Variants in NOL11 observed in about 807,000 individuals in gnomAD.
NOL11 encodes nucleolar protein 11.
NOL11 carries 42 observed loss-of-function variants against 93.0 expected under a neutral mutation model. The ratio of observed to expected loss-of-function variants is 0.45; its 90% confidence interval spans 0.35 to 0.58. The LOEUF is 0.58. Ranked by LOEUF, NOL11 falls within the 20% of genes least tolerant of loss-of-function variation. The pLI is 0.00. For synonymous variants in NOL11, 296 were observed against 293.7 expected, an observed-to-expected ratio of 1.01 and a Z score of -0.08; for missense variants, 775 against 841.8, an observed-to-expected ratio of 0.92 and a Z score of 0.98.
At chr17:67,724,954 A>T (rs542297401) in intron 6 of NOL11, among the ~76,000 whole-genome samples, 2 of 152,226 alleles carry the variant, frequency 1.3e-5, no homozygotes, top group African/African-American at 4.8e-5. Context: ...GCTACTCTGG[A>T]GGCTGAGGCA....
At chr17:67,729,235 C>T (rs2055128579) in intron 7 of NOL11, among the ~76,000 whole-genome samples, 1 of 152,076 alleles carries the variant, frequency 6.6e-6, no homozygotes. Flanking sequence ...ACTGGGATTA[C>T]AGGCATGTGC....
At chr17:67,719,044 T>A (rs186438720) in intron 1 of NOL11, 1 of 152,328 alleles carries the variant, frequency 6.6e-6, no homozygotes, top group Admixed American at 6.5e-5. Context: ...ATTGTTTTTT[T>A]AACAAAGGGT....
rs372828201 is a variant in NOL11, at chr17:67,721,414, G to A, written c.349G>A (p.Gly117Arg). 3.7e-6 allele frequency: 6 copies of A among 1,610,190 alleles called. No individual in the cohort carries two copies. In the African/African-American group the frequency reaches 8.0e-5, roughly 22 times the overall value. The change falls in exon 4 of 18, where the codon GGG becomes AGG. Residue 117 changes from glycine to arginine, a missense_variant. By Grantham distance (125) the Gly-to-Arg change is moderately radical. This residue lies in a region of NOL11 where 359 missense variants were observed against 316.5 expected (regional missense o/e 1.13). Coordinates refer to ENST00000253247, the MANE Select transcript of NOL11 (RefSeq NM_015462.5). ...AGTATATAGGATACTTTCAGTGCAA[G>A]GGACAGAACCCTTGGTGCTCTTCAA... ...AEVYRILSVQ[G>R]TEPLVLFKEG...
Position 67,743,312 on chromosome 17 carries a change from G to A in NOL11, c.1936-167G>A, listed in dbSNP as rs1473449. On this transcript the variant is annotated intron_variant, in intron 16 of 17. Coordinates refer to ENST00000253247, the MANE Select transcript of NOL11 (RefSeq NM_015462.5). ...AATAAATTTTTTAAAAGCCAGAAAT[G>A]AGCCTTTTTATATTTCGTAGAAATT... 0.025 allele frequency: 10,892 copies of A among 437,730 alleles called. 1,291 individuals are homozygous for A. In the East Asian group the frequency reaches 0.3, roughly 12 times the overall value. 27.1% of individuals were successfully genotyped at this position (437,730 alleles called of 1,614,324 possible).
At chr17:67,725,536 T>C (rs2143094618) in intron 6 of NOL11, among the ~76,000 whole-genome samples, 1 of 152,306 alleles carries the variant, frequency 6.6e-6, no homozygotes, top group East Asian at 1.9e-4. Flanking sequence ...TTAAAAATCT[T>C]TGTGAAGTTT....
intron 11 of NOL11, 79 bp downstream of exon 11, chr17:67,737,224 AT>A: frequency 1.1e-6 from 1 of 872,112 alleles, no homozygotes; most frequent in Non-Finnish European, 1.9e-6. Flanking sequence ...GTTCTGTCTT[AT>A]TTTTATGATC....
chr17:67,738,979 AT>A lies in NOL11; in HGVS notation c.1814del (p.Leu605Ter), dbSNP rs758342519. On this transcript the variant is annotated frameshift_variant, in exon 15 of 18. Transcript: ENST00000253247. LOFTEE classifies it high-confidence loss of function. The stretch of plus-strand genomic sequence containing the variant: ...TATAGCGAGACATTTCTTCTGCCTC[AT>A]TTGAAAGACATCCCAGCACAGCATA... ...SAYSETFLLP[H>X]LKDIPAQHIT... 1.9e-6 allele frequency: 3 copies of A among 1,612,922 alleles called. No homozygotes were observed. The highest frequency in any genetic ancestry group is 1.7e-6 in the Non-Finnish European group (2 of 1,179,106).
intron 3 of NOL11, chr17:67,720,300 CTTTT>C (rs766269065): frequency 4.5e-5 from 6 of 132,460 alleles, no homozygotes; most frequent in Non-Finnish European, 8.1e-5. Flanking sequence ...GTGTATTGTA[CTTTT>C]TTTTTTTTTT....
chr17:67,737,837 T>G lies in NOL11; in HGVS notation c.1404-10T>G, dbSNP rs752406728. 1.9e-6 allele frequency: 3 copies of G among 1,603,172 alleles called. No individual in the cohort carries two copies. The highest frequency in any genetic ancestry group is 2.5e-6 in the Non-Finnish European group (3 of 1,177,232). ...AATATGTAATAGTGATTCAGATTTT[T>G]TTGTCTTAGTTTGTGCCCCGACTTA... On this transcript the variant is annotated splice_polypyrimidine_tract_variant and intron_variant, in intron 12 of 17. Coordinates refer to ENST00000253247, the MANE Select transcript of NOL11 (RefSeq NM_015462.5).
intron 1 of NOL11, 134 bp downstream of exon 1, chr17:67,718,222 TG>T: frequency 1.6e-6 from 2 of 1,228,566 alleles, no homozygotes; most frequent in Non-Finnish European, 2.3e-6. Context: ...CTGGGCCTGT[TG>T]GGGACGCTGA....
rs1289522663 is a variant in NOL11, at chr17:67,743,467, A to G, written c.1936-12A>G. 8.4e-6 allele frequency: 10 copies of G among 1,195,646 alleles called. No homozygotes were observed. Among genetic ancestry groups the G allele is most frequent in the East Asian group, 2.4e-5 (1 of 42,198 alleles). 74.1% of individuals were successfully genotyped at this position (1,195,646 alleles called of 1,614,324 possible). A position where few individuals can be genotyped will look rare whatever the true frequency, so the allele number is the denominator to read the frequency against. On this transcript the variant is annotated splice_polypyrimidine_tract_variant and intron_variant, in intron 16 of 17. Coordinates refer to ENST00000253247, the MANE Select transcript of NOL11 (RefSeq NM_015462.5). ...TTTAAAATCTTAACTTCCTTTTCCTATTCATCTTCAGATTATGGATTGGAT... is the reference window on the plus strand; with the variant it reads ...TTTAAAATCTTAACTTCCTTTTCCTGTTCATCTTCAGATTATGGATTGGAT...
At position 67,719,898 on chromosome 17, in the gene NOL11, G is replaced by T; in HGVS notation, c.256-8G>T. 6.4e-7 allele frequency: 1 copy of T among 1,563,076 alleles called. No homozygotes were observed. The highest frequency in any genetic ancestry group is 1.2e-5 in the South Asian group (1 of 85,342). On this transcript the variant is annotated splice_region_variant and splice_polypyrimidine_tract_variant and intron_variant, in intron 2 of 17. Transcript: ENST00000253247. ...GGATAGTTTTTAACTAGTATGTTTT[G>T]ATTTAAGGTTTTAAGAATATGGAAT...
At chr17:67,740,113 T>C (rs2055241118) in intron 16 of NOL11, among the ~76,000 whole-genome samples, 1 of 151,754 alleles carries the variant, frequency 6.6e-6, no homozygotes, top group Non-Finnish European at 1.5e-5. Flanking sequence ...TGCGTGCCTG[T>C]AATCCCAGAT....
intron 4 of NOL11, among the ~76,000 whole-genome samples, chr17:67,722,322 A>G (rs947617978): frequency 1.3e-5 from 2 of 152,216 alleles, no homozygotes; most frequent in African/African-American, 4.8e-5. Flanking sequence ...TTTGGGAAGC[A>G]CTGCATCTCC....
chr17:67,726,528 T>G lies in NOL11; in HGVS notation c.733T>G (p.Leu245Val). Residue 245 changes from leucine to valine, a missense_variant, in exon 7 of 18, where the codon TTA becomes GTA. Leu to Val is a conservative substitution (Grantham distance 32). Around this residue, in one of 2 missense-constraint regions of NOL11, gnomAD observed 359 missense variants for 316.5 expected, o/e 1.13. Coordinates refer to ENST00000253247, the MANE Select transcript of NOL11 (RefSeq NM_015462.5). The stretch of plus-strand genomic sequence containing the variant: ...AGCTGACCCAGAAAAAAATCAGAGC[T>G]TAGTTAAATCACTGCTGCTCAAGGC... ...RPADPEKNQS[L>V]VKSLLLKAVV... 1 of 1,614,136 alleles carries G rather than the reference T, an allele frequency of 6.2e-7. No individual in the cohort carries two copies. Among genetic ancestry groups the G allele is most frequent in the Non-Finnish European group, 8.5e-7 (1 of 1,180,006 alleles).
At chr17:67,735,299 TAA>T (rs2055190871) in intron 8 of NOL11, among the ~76,000 whole-genome samples, 1 of 152,130 alleles carries the variant, frequency 6.6e-6, no homozygotes, top group Non-Finnish European at 1.5e-5. Flanking sequence ...AATTTGAGGA[TAA>T]AGAGACAAGG....
chr17:67,738,832 T>C (rs1307526583), intron 14 of NOL11, 100 bp from the exon 15 acceptor site: 14 of 732,308 alleles, frequency 1.9e-5, no homozygotes, highest in Non-Finnish European at 3.3e-5. Context: ...TGTAAAACTT[T>C]TGTATAAATT....
rs76680302 is a variant in NOL11, at chr17:67,719,325, A to G, written c.142-349A>G. On this transcript the variant is annotated intron_variant, in intron 1 of 17. Coordinates refer to ENST00000253247, the MANE Select transcript of NOL11 (RefSeq NM_015462.5). ...GAGGTGGGTGGAGCGCAGTGGCACG[A>G]TCTCGGCCCACTGCAACCTCCACCT... 0.017 allele frequency: 2,899 copies of G among 173,036 alleles called. 230 individuals carry two copies. The East Asian group carries it at 0.27, about 16-fold the overall frequency. The allele number at this position is 173,036 out of a possible 1,614,324, so 10.7% of individuals were successfully genotyped here. A position where few individuals can be genotyped will look rare whatever the true frequency, so the allele number is the denominator to read the frequency against.
At chr17:67,742,327 T>G (rs1481529244) in intron 16 of NOL11, among the ~76,000 whole-genome samples, 1 of 152,234 alleles carries the variant, frequency 6.6e-6, no homozygotes, top group Non-Finnish European at 1.5e-5. Flanking sequence ...CTTGTCCATT[T>G]ATATTTGTTT....
Sources: allele counts gnomAD v4.1 joint callset (sites outside exome capture counted in the v4.1 genomes callset), GRCh38; gene constraint gnomAD v4.1.1; regional missense constraint gnomAD v4.1.1; transcripts MANE v1.5; gene names NCBI Gene and HGNC (gene_info 2026-07-23, HGNC 2026-07-21).